ACVR1: variants seen among roughly 807,000 people sequenced by gnomAD.
ACVR1 encodes activin A receptor type 1, also known as activin receptor type-1.
In ACVR1, 38 loss-of-function variants were observed where a neutral mutation model predicts 57.1. That is an observed-to-expected ratio of 0.67 (90% CI 0.51 to 0.87). The LOEUF (loss-of-function observed/expected upper bound fraction) is 0.87, where lower values mean the gene tolerates loss of function less well. Ranked by LOEUF, ACVR1 falls within the 40% of genes least tolerant of loss-of-function variation. ACVR1 has a pLI of 0.00. For synonymous variants in ACVR1, 212 were observed against 228.1 expected, an observed-to-expected ratio of 0.93 and a Z score of 0.63; for missense variants, 463 against 638.2, an observed-to-expected ratio of 0.73 and a Z score of 2.96.
chr2:157,759,702 A>G (rs996571065), intron 9 of ACVR1, among the ~76,000 whole-genome samples: 3 of 152,054 alleles, frequency 2.0e-5, no homozygotes, highest in African/African-American at 7.2e-5. Flanking sequence ...AACACAATAC[A>G]AGCAAACTGA....
chr2:157,742,236 C>T (rs1027241888), intron 9 of ACVR1, among the ~76,000 whole-genome samples: 7 of 152,178 alleles, frequency 4.6e-5, no homozygotes, highest in African/African-American at 1.4e-4. Context: ...AGAGGCAGCA[C>T]CCAAGAAGTT....
At chr2:157,781,489 T>C (rs1686524120) in intron 3 of ACVR1, among the ~76,000 whole-genome samples, 1 of 152,116 alleles carries the variant, frequency 6.6e-6, no homozygotes, top group Non-Finnish European at 1.5e-5. Flanking sequence ...TAGATTATAG[T>C]GGGAATTAAC....
At position 157,842,856 on chromosome 2, in the gene ACVR1, A is replaced by T. The variant is rs143996402; in HGVS notation, c.-182-24297T>A. On this transcript the variant is annotated intron_variant, in intron 1 of 10. Transcript: ENST00000434821. ...ACTGTTCTAAGGTTCATCTACTATGATTTTTTTTCTTTGATCTGAAAACCA... is the reference window on the plus strand; with the variant it reads ...ACTGTTCTAAGGTTCATCTACTATGTTTTTTTTTCTTTGATCTGAAAACCA... Among the ~76,000 whole-genome samples the T allele has an allele frequency of 5.9e-5, 9 of 152,084 alleles. No individual in the cohort carries two copies. The East Asian group carries it at 1.7e-3, about 29-fold the overall frequency.
chr2:157,809,283 G>A (rs78784334), intron 2 of ACVR1, among the ~76,000 whole-genome samples: 2,456 of 152,108 alleles, frequency 0.016, 77 homozygotes, highest in African/African-American at 0.056. Flanking sequence ...CCCCTCCCCC[G>A]AATAGAATGT....
rs971003373 is a variant in ACVR1 at position 157,854,994 on chromosome 2, G to A, written c.-183+20802C>T. 2.0e-5 allele frequency among the ~76,000 whole-genome samples: 3 copies of A among 152,180 alleles called. 1 individual carries two copies. The highest frequency in any genetic ancestry group is 2.1e-4 in the South Asian group (1 of 4,818). ...GCAGAGGTTGCAGTGAGCCAAGATC[G>A]TGCCACTGCACTCCAGCCTGGCAAC... On this transcript the variant is annotated intron_variant, in intron 1 of 10. Transcript: ENST00000434821.
intron 3 of ACVR1, among the ~76,000 whole-genome samples, chr2:157,791,101 A>T (rs774127331): frequency 2.7e-4 from 41 of 152,100 alleles, no homozygotes; most frequent in Non-Finnish European, 4.4e-4. Flanking sequence ...CCAGCCCCAA[A>T]CCCAGCTCCA....
At chr2:157,833,770 A>G (rs1688670671) in intron 1 of ACVR1, among the ~76,000 whole-genome samples, 1 of 152,184 alleles carries the variant, frequency 6.6e-6, no homozygotes, top group South Asian at 2.1e-4. Context: ...TTATTTTCTA[A>G]CACTGTCAGG....
intron 5 of ACVR1, among the ~76,000 whole-genome samples, chr2:157,776,205 G>A (rs1686281387): frequency 6.6e-6 from 1 of 152,198 alleles, no homozygotes; most frequent in African/African-American, 2.4e-5. Context: ...TGAGTTTAAA[G>A]GACTATTTTG....
At chr2:157,814,304 CA>C (rs1316971516) in intron 2 of ACVR1, among the ~76,000 whole-genome samples, 1 of 152,072 alleles carries the variant, frequency 6.6e-6, no homozygotes, top group Non-Finnish European at 1.5e-5. Context: ...AACCAAACAG[CA>C]AAATAGACAA....
At chr2:157,871,369 C>T (rs1690108140) in intron 1 of ACVR1, among the ~76,000 whole-genome samples, 2 of 152,122 alleles carry the variant, frequency 1.3e-5, no homozygotes, top group Admixed American at 1.3e-4. Context: ...AATGCAGAGA[C>T]CAGAACAGCC....
intron 9 of ACVR1, among the ~76,000 whole-genome samples, chr2:157,760,314 C>T (rs1467374678): frequency 6.6e-6 from 1 of 151,948 alleles, no homozygotes; most frequent in Non-Finnish European, 1.5e-5. Context: ...GTGAGGATAG[C>T]AGTGGGATGA....
intron 2 of ACVR1, among the ~76,000 whole-genome samples, chr2:157,811,847 G>A (rs149616769): frequency 6.6e-6 from 1 of 152,266 alleles, no homozygotes; most frequent in Non-Finnish European, 1.5e-5. Context: ...AAAAGAAATT[G>A]TTTTCAGTTT....
At chr2:157,833,139 G>T (rs1688646505) in intron 1 of ACVR1, among the ~76,000 whole-genome samples, 1 of 152,170 alleles carries the variant, frequency 6.6e-6, no homozygotes, top group Admixed American at 6.5e-5. Flanking sequence ...CAAATTGTCA[G>T]CCCTATCCTT....
At chr2:157,870,642 G>A (rs2105388922) in intron 1 of ACVR1, among the ~76,000 whole-genome samples, 1 of 152,240 alleles carries the variant, frequency 6.6e-6, no homozygotes, top group East Asian at 1.9e-4. Flanking sequence ...GAGTGTCTGG[G>A]TCCTAACTAT....
chr2:157,740,009 C>A (rs549527605), intron 9 of ACVR1, among the ~76,000 whole-genome samples: 3 of 151,994 alleles, frequency 2.0e-5, no homozygotes, highest in African/African-American at 7.2e-5. Flanking sequence ...CATGGCAAGA[C>A]CCTGTCTCTA....
intron 9 of ACVR1, among the ~76,000 whole-genome samples, chr2:157,749,774 G>A (rs1685109518): frequency 6.6e-6 from 1 of 152,228 alleles, no homozygotes; most frequent in Non-Finnish European, 1.5e-5. Flanking sequence ...GAGGTCTGAA[G>A]AAAGGCTTCC....
rs190096192 is a variant in ACVR1 at position 157,758,789 on chromosome 2, A to G, written c.1264+2091T>C. ...ACATGAATAGACCATATGTTAGGCC[A>G]CAAAACAAGTCTCAACAAGTGGAAT... On this transcript the variant is annotated intron_variant, in intron 9 of 10. Transcript: ENST00000434821. 2.7e-4 allele frequency among the ~76,000 whole-genome samples: 41 copies of G among 152,176 alleles called. No homozygotes were observed. In the East Asian group the frequency reaches 7.5e-3, roughly 28 times the overall value.
intron 7 of ACVR1, among the ~76,000 whole-genome samples, chr2:157,769,695 A>G (rs897237153): frequency 1.4e-4 from 21 of 152,330 alleles, no homozygotes; most frequent in Non-Finnish European, 2.8e-4. Flanking sequence ...CTTTATATCC[A>G]CTATTGAAGA....
rs554045660 is a variant in ACVR1, at chr2:157,817,581, C to T, written c.-8+804G>A. ...AGGTTCATTGATTGTAGTACATGTA[C>T]TACTCTGGTGTGGGATATTGACAGT... On this transcript the variant is annotated intron_variant, in intron 2 of 10. Transcript: ENST00000434821. 1.2e-4 allele frequency among the ~76,000 whole-genome samples: 18 copies of T among 152,168 alleles called. 1 individual carries two copies. The South Asian group carries it at 3.7e-3, about 32-fold the overall frequency.
Sources: allele counts gnomAD v4.1 joint callset (sites outside exome capture counted in the v4.1 genomes callset), GRCh38; gene constraint gnomAD v4.1.1; transcripts MANE v1.5; gene names NCBI Gene and HGNC (gene_info 2026-07-23, HGNC 2026-07-21).